The following GAS2 variants were observed in gnomAD, a reference collection of about 807,000 sequenced individuals.
The protein encoded by GAS2 is growth arrest-specific protein 2.
In GAS2, 20 loss-of-function variants were observed where a neutral mutation model predicts 37.5. The ratio of observed to expected loss-of-function variants is 0.53; its 90% CI spans 0.37 to 0.77. The LOEUF (loss-of-function observed/expected upper bound fraction) is 0.77, where lower values mean the gene tolerates loss of function less well. Among genes scored for constraint, GAS2 ranks in the 30% least tolerant of loss-of-function variants. The pLI is 0.00. For missense variants in GAS2, 336 were observed against 373.4 expected, an observed-to-expected ratio of 0.90 and a Z score of 0.82; for synonymous variants, 144 against 132.2, an observed-to-expected ratio of 1.09 and a Z score of -0.61.
intron 7 of GAS2, among the ~76,000 whole-genome samples, chr11:22,796,169 T>C (rs542659546): frequency 3.7e-4 from 56 of 152,300 alleles, no homozygotes; most frequent in African/African-American, 1.3e-3. Flanking sequence ...GTCACTGGCA[T>C]TGGAAATCTG....
At chr11:22,645,236 G>C (rs188392734) in intron 1 of GAS2, among the ~76,000 whole-genome samples, 33 of 152,220 alleles carry the variant, frequency 2.2e-4, no homozygotes, top group African/African-American at 5.8e-4. Flanking sequence ...ATGGCCGGGT[G>C]GGGTGGCTCA....
At chr11:22,673,248 A>C (rs1849277733) in intron 1 of GAS2, among the ~76,000 whole-genome samples, 1 of 152,202 alleles carries the variant, frequency 6.6e-6, no homozygotes, top group Non-Finnish European at 1.5e-5. Flanking sequence ...TTGTTCTTCA[A>C]AAGCAATATT....
intron 4 of GAS2, among the ~76,000 whole-genome samples, chr11:22,736,861 G>C (rs1413620672): frequency 6.6e-6 from 1 of 151,878 alleles, no homozygotes; most frequent in Admixed American, 6.6e-5. Context: ...CTGAATAAAA[G>C]AACATTGTAA....
intron 5 of GAS2, among the ~76,000 whole-genome samples, chr11:22,738,898 A>G (rs1852898272): frequency 6.6e-6 from 1 of 152,194 alleles, no homozygotes; most frequent in Non-Finnish European, 1.5e-5. Flanking sequence ...ATGTTTTTCA[A>G]TTCAAATTAA....
chr11:22,719,731 A>G (rs553428468), intron 3 of GAS2, among the ~76,000 whole-genome samples: 8 of 151,888 alleles, frequency 5.3e-5, no homozygotes, highest in African/African-American at 1.9e-4. Context: ...ATTTTTTTAG[A>G]TTGGCTTCTT....
chr11:22,633,006 G>A (rs1390413373), intron 1 of GAS2, among the ~76,000 whole-genome samples: 1 of 148,550 alleles, frequency 6.7e-6, no homozygotes, highest in Admixed American at 6.7e-5. Context: ...CCTTTTTCTT[G>A]TATTTCCTTG....
intron 4 of GAS2, among the ~76,000 whole-genome samples, chr11:22,732,331 A>G (rs1852517809): frequency 1.3e-5 from 2 of 151,784 alleles, no homozygotes; most frequent in South Asian, 4.1e-4. Context: ...GGGCAAAGGC[A>G]ATGAAATTCA....
intron 3 of GAS2, among the ~76,000 whole-genome samples, chr11:22,715,460 C>CAAAAAAAAAAAAAAAAAAA (rs1192862614): frequency 7.2e-5 from 3 of 41,768 alleles, no homozygotes; most frequent in African/African-American, 2.5e-4. Context: ...GACTCTGTCT[C>CAAAAAAAAAAAAAAAAAAA]AAAAAAAAAA....
At chr11:22,707,804 C>T (rs2134063182) in intron 3 of GAS2, among the ~76,000 whole-genome samples, 1 of 152,250 alleles carries the variant, frequency 6.6e-6, no homozygotes, top group East Asian at 1.9e-4. Flanking sequence ...GTGAAGCTCA[C>T]ATCTCATAAC....
intron 1 of GAS2, among the ~76,000 whole-genome samples, chr11:22,669,133 G>A (rs1849102548): frequency 6.6e-6 from 1 of 152,044 alleles, no homozygotes; most frequent in Non-Finnish European, 1.5e-5. Context: ...AACCCTGCTG[G>A]TTCTTAACTA....
intron 7 of GAS2, among the ~76,000 whole-genome samples, chr11:22,758,568 T>C (rs2134349522): frequency 6.6e-6 from 1 of 152,176 alleles, no homozygotes; most frequent in East Asian, 1.9e-4. Flanking sequence ...TACCTTTACT[T>C]AAAGATAAAA....
At chr11:22,718,113 C>T (rs529417838) in intron 3 of GAS2, among the ~76,000 whole-genome samples, 3 of 152,212 alleles carry the variant, frequency 2.0e-5, no homozygotes, top group South Asian at 2.1e-4. Context: ...AGCAATCCCA[C>T]TACTGAGTAT....
chr11:22,768,734 A>G (rs1208208673), intron 7 of GAS2, among the ~76,000 whole-genome samples: 3 of 152,200 alleles, frequency 2.0e-5, no homozygotes, highest in Non-Finnish European at 2.9e-5. Context: ...CACTCCCAAC[A>G]TAGTTCATTT....
At chr11:22,646,188 G>A (rs949689011) in intron 1 of GAS2, among the ~76,000 whole-genome samples, 2 of 152,146 alleles carry the variant, frequency 1.3e-5, no homozygotes, top group African/African-American at 2.4e-5. Context: ...AGAATATCAT[G>A]TAATATCTGT....
At chr11:22,661,125 G>A (rs1340470293) in intron 1 of GAS2, among the ~76,000 whole-genome samples, 3 of 152,132 alleles carry the variant, frequency 2.0e-5, no homozygotes, top group Non-Finnish European at 2.9e-5. Flanking sequence ...AACTGCAAGA[G>A]AATCCCAAGA....
chr11:22,743,266 A>G (rs1853192834), intron 5 of GAS2, among the ~76,000 whole-genome samples: 1 of 152,100 alleles, frequency 6.6e-6, no homozygotes, highest in Non-Finnish European at 1.5e-5. Flanking sequence ...TTAACACCTT[A>G]ATTTTGAAGT....
At chr11:22,781,607 CT>C (rs1855558399) in intron 7 of GAS2, among the ~76,000 whole-genome samples, 1 of 152,104 alleles carries the variant, frequency 6.6e-6, no homozygotes, top group African/African-American at 2.4e-5. Flanking sequence ...TCTTTAACAA[CT>C]TATAGATTTT....
At chr11:22,769,988 T>C (rs1452901811) in intron 7 of GAS2, among the ~76,000 whole-genome samples, 2 of 152,174 alleles carry the variant, frequency 1.3e-5, no homozygotes, top group Non-Finnish European at 2.9e-5. Flanking sequence ...TGTGGTCATA[T>C]CCTTTGCAGG....
intron 4 of GAS2, among the ~76,000 whole-genome samples, chr11:22,730,809 T>C (rs1852435036): frequency 6.6e-6 from 1 of 151,778 alleles, no homozygotes; most frequent in African/African-American, 2.4e-5. Flanking sequence ...AAAGTATTTA[T>C]ATTTTCAGTT....
Sources: gnomAD v4.1 joint callset for allele counts (sites outside exome capture counted in the v4.1 genomes callset) on GRCh38, gnomAD v4.1.1 for gene constraint, MANE v1.5 for transcripts, NCBI Gene and HGNC (gene_info 2026-07-23, HGNC 2026-07-21) for gene names.